The following ABTB3 variants were observed in gnomAD, a reference collection of about 807,000 sequenced individuals.
The protein encoded by ABTB3 is ankyrin repeat- and BTB/POZ domain-containing protein 3.
chr12:107,637,487 C>A, the ABTB3 span, among the ~76,000 whole-genome samples: 1 of 152,120 alleles, frequency 6.6e-6, no homozygotes, highest in African/African-American at 2.4e-5. Context: ...AAAAGGCAGA[C>A]CTGAGAGGCT....
At chr12:107,407,821 C>A in the ABTB3 span, among the ~76,000 whole-genome samples, 1 of 152,046 alleles carries the variant, frequency 6.6e-6, no homozygotes, top group South Asian at 2.1e-4. Context: ...GGAGGTCCTG[C>A]GTATTTTCAG....
At chr12:107,469,920 T>TTCTTTCTC in the ABTB3 span, among the ~76,000 whole-genome samples, 170 of 101,918 alleles carry the variant, frequency 1.7e-3, 2 homozygotes, top group East Asian at 3.7e-3. Flanking sequence ...CTTTCTTTCT[T>TTCTTTCTC]TCTCTCTCTC....
At chr12:107,406,602 C>T in the ABTB3 span, among the ~76,000 whole-genome samples, 27 of 152,264 alleles carry the variant, frequency 1.8e-4, no homozygotes, top group African/African-American at 4.6e-4. Flanking sequence ...CCAATATTCA[C>T]GGAGCATTTC....
the ABTB3 span, among the ~76,000 whole-genome samples, chr12:107,388,511 T>G: frequency 6.7e-6 from 1 of 150,006 alleles, no homozygotes; most frequent in African/African-American, 2.5e-5. Flanking sequence ...TCTCCCCTCT[T>G]CCTCCTCCTT....
chr12:107,420,262 T>C, the ABTB3 span, among the ~76,000 whole-genome samples: 1 of 152,186 alleles, frequency 6.6e-6, no homozygotes. Flanking sequence ...TAAACCCTTC[T>C]GCATTCTTGG....
At chr12:107,484,081 C>T in the ABTB3 span, among the ~76,000 whole-genome samples, 202 of 152,240 alleles carry the variant, frequency 1.3e-3, no homozygotes, top group Non-Finnish European at 1.1e-3. Flanking sequence ...GGTGGCTGTC[C>T]ATTGAGTGCC....
chr12:107,582,541 A>C, the ABTB3 span, among the ~76,000 whole-genome samples: 1 of 152,190 alleles, frequency 6.6e-6, no homozygotes, highest in African/African-American at 2.4e-5. Flanking sequence ...ATAACAGCCC[A>C]TCTCAGGGAG....
the ABTB3 span, among the ~76,000 whole-genome samples, chr12:107,463,394 G>A: frequency 2.0e-5 from 3 of 152,124 alleles, no homozygotes; most frequent in Non-Finnish European, 4.4e-5. Flanking sequence ...GATGACAGTA[G>A]TGACCTGATG....
chr12:107,495,207 C>T, the ABTB3 span, among the ~76,000 whole-genome samples: 1 of 152,176 alleles, frequency 6.6e-6, no homozygotes, highest in African/African-American at 2.4e-5. Flanking sequence ...CAGCTGGAGT[C>T]GTTACATTTG....
the ABTB3 span, among the ~76,000 whole-genome samples, chr12:107,560,250 A>G: frequency 6.6e-6 from 1 of 152,222 alleles, no homozygotes; most frequent in African/African-American, 2.4e-5. Context: ...AAAACTACCC[A>G]CAGTGGTGTG....
chr12:107,608,902 T>TAA, the ABTB3 span, among the ~76,000 whole-genome samples: 17 of 62,956 alleles, frequency 2.7e-4, no homozygotes, highest in African/African-American at 1.1e-3. Flanking sequence ...ATAAATAAAA[T>TAA]AAAATAAAAT....
At chr12:107,319,158 T>C in the ABTB3 span, 1 of 1,601,620 alleles carries the variant, frequency 6.2e-7, no homozygotes, top group Non-Finnish European at 8.5e-7. Context: ...AACACTGCCC[T>C]GGTGGAAGAC....
chr12:107,471,420 A>T, the ABTB3 span, among the ~76,000 whole-genome samples: 1 of 152,202 alleles, frequency 6.6e-6, no homozygotes, highest in South Asian at 2.1e-4. Flanking sequence ...TGGGTACAGA[A>T]GTACAGGCTC....
At chr12:107,401,861 A>G in the ABTB3 span, among the ~76,000 whole-genome samples, 32 of 149,932 alleles carry the variant, frequency 2.1e-4, no homozygotes, top group African/African-American at 7.3e-4. Context: ...ATGTGTGTAG[A>G]GTTTTTTACC....
the ABTB3 span, among the ~76,000 whole-genome samples, chr12:107,339,823 A>G: frequency 1.3e-5 from 2 of 152,210 alleles, no homozygotes; most frequent in Non-Finnish European, 2.9e-5. Context: ...TCATGTAGGC[A>G]ATTCTAACAT....
chr12:107,538,271 A>G, the ABTB3 span, among the ~76,000 whole-genome samples: 1 of 152,236 alleles, frequency 6.6e-6, no homozygotes, highest in African/African-American at 2.4e-5. Flanking sequence ...TATTGGACTC[A>G]GTGGCAGTGT....
the ABTB3 span, among the ~76,000 whole-genome samples, chr12:107,462,696 T>C: frequency 6.6e-6 from 1 of 151,756 alleles, no homozygotes; most frequent in South Asian, 2.1e-4. Context: ...GTGATGGTGA[T>C]GATGGTGGTG....
At chr12:107,572,499 T>C in the ABTB3 span, among the ~76,000 whole-genome samples, 39,400 of 152,020 alleles carry the variant, frequency 0.26, 5,224 homozygotes, top group East Asian at 0.32. Context: ...ACCAGCTCCC[T>C]AGGTGATCTG....
the ABTB3 span, among the ~76,000 whole-genome samples, chr12:107,510,932 G>T: frequency 6.6e-6 from 1 of 151,944 alleles, no homozygotes; most frequent in African/African-American, 2.4e-5. Context: ...CAAAAAAAAA[G>T]AAAAAGAAAA....
Sources: allele counts gnomAD v4.1 joint callset (sites outside exome capture counted in the v4.1 genomes callset), GRCh38; gene constraint gnomAD v4.1.1; transcripts MANE v1.5; gene names NCBI Gene and HGNC (gene_info 2026-07-23, HGNC 2026-07-21).